MYCBP2: variants seen among roughly 807,000 people sequenced by gnomAD.
MYCBP2 encodes E3 ubiquitin-protein ligase MYCBP2.
In MYCBP2, 120 loss-of-function variants were observed where a neutral mutation model predicts 525.3. The ratio of observed to expected loss-of-function variants is 0.23; its 90% CI spans 0.20 to 0.27. The LOEUF (loss-of-function observed/expected upper bound fraction) is 0.27, where lower values mean the gene tolerates loss of function less well. Ranked by LOEUF, MYCBP2 falls within the 10% of genes least tolerant of loss-of-function variation. The pLI is 1.00. For missense variants in MYCBP2, 4,149 were observed against 5,657.1 expected (o/e 0.73, Z 8.55); for synonymous variants, 1,894 against 1,955.8 (o/e 0.97, Z 0.83).
At position 77,206,695 on chromosome 13, in the gene MYCBP2, T is replaced by A; in HGVS notation, c.3547A>T (p.Arg1183Trp). The change falls in exon 24 of 83, where the codon AGG becomes TGG. Residue 1183 changes from arginine (R) to tryptophan (W), a missense_variant. Transcript: ENST00000544440. ...GCATGAGATCGGGTAGTGAGGGCCC[T>A]TGATCCTGTTGGTAAGGCAAGTTCA... is the stretch of plus-strand genomic sequence containing the variant. ...SPELALPTGS[R>W]ALTTRSHAAL... The A allele has an allele frequency of 6.2e-7, 1 of 1,610,076 alleles. No individual in the cohort carries two copies. Among genetic ancestry groups the A allele is most frequent in the Non-Finnish European group, 8.5e-7 (1 of 1,177,928 alleles).
intron 15 of MYCBP2, among the ~76,000 whole-genome samples, chr13:77,250,138 G>A (rs2070918900): frequency 6.6e-6 from 1 of 151,342 alleles, no homozygotes; most frequent in African/African-American, 2.4e-5. Context: ...CAGGAGAATG[G>A]CGTGAACCCG....
At chr13:77,297,366 C>T (rs965831977) in intron 1 of MYCBP2, among the ~76,000 whole-genome samples, 4 of 152,164 alleles carry the variant, frequency 2.6e-5, no homozygotes, top group Non-Finnish European at 5.9e-5. Context: ...AAAGACAGTT[C>T]TTGTCCCCAA....
At chr13:77,079,979 A>C (rs769561830) in intron 65 of MYCBP2, among the ~76,000 whole-genome samples, 1 of 152,210 alleles carries the variant, frequency 6.6e-6, no homozygotes, top group Non-Finnish European at 1.5e-5. Flanking sequence ...GAAGTGTTAA[A>C]TTGATTGCAA....
intron 1 of MYCBP2, among the ~76,000 whole-genome samples, chr13:77,317,244 G>A (rs932329002): frequency 2.0e-5 from 3 of 152,184 alleles, no homozygotes; most frequent in Non-Finnish European, 4.4e-5. Flanking sequence ...GAGCCATCGT[G>A]CCCAGCCTGG....
chr13:77,219,850 A>G (rs749056066), intron 20 of MYCBP2, among the ~76,000 whole-genome samples: 16 of 152,170 alleles, frequency 1.1e-4, no homozygotes, highest in Non-Finnish European at 4.4e-5. Flanking sequence ...ACTTCTAGGA[A>G]GTCCATGAGT....
chr13:77,100,167 C>T (rs2046848439), intron 55 of MYCBP2: 1 of 152,032 alleles, frequency 6.6e-6, no homozygotes, highest in African/African-American at 2.4e-5. Context: ...TGTTAACTGG[C>T]TATAACTGCA....
intron 4 of MYCBP2, among the ~76,000 whole-genome samples, chr13:77,278,102 T>C (rs1473801928): frequency 1.3e-5 from 2 of 152,152 alleles, no homozygotes; most frequent in African/African-American, 2.4e-5. Context: ...ATAACACAAA[T>C]AGATTTTTAT....
chr13:77,256,039 C>G (rs969578440), intron 14 of MYCBP2, among the ~76,000 whole-genome samples: 1 of 152,140 alleles, frequency 6.6e-6, no homozygotes, highest in South Asian at 2.1e-4. Context: ...AACAAGACCA[C>G]AGCAAACAGG....
At chr13:77,211,383 C>T (rs1339176364) in intron 22 of MYCBP2, 63 bp from the exon 23 acceptor site, 2 of 865,576 alleles carry the variant, frequency 2.3e-6, no homozygotes, top group Non-Finnish European at 3.0e-6. Context: ...TCTCCAAAAC[C>T]CATAAAGTAG....
chr13:77,088,869 G>A lies in MYCBP2; in HGVS notation c.10688C>T (p.Ala3563Val), dbSNP rs770269496. 3.1e-6 allele frequency: 5 copies of A among 1,612,760 alleles called. No individual in the cohort carries two copies. The highest frequency in any genetic ancestry group is 3.3e-5 in the Admixed American group (2 of 59,914). ...LEGLEIAMKQ[A>V]LRKSACRVFA... ...AACTCGACAAGCAGATTTCCTTAGG[G>A]CCTGTTTCATTGCTATTTCAAGACC... is the stretch of plus-strand genomic sequence containing the variant. The change falls in exon 61 of 83, where the codon GCC becomes GTC. Residue 3563 changes from alanine to valine, a missense_variant. Coordinates refer to ENST00000544440, the MANE Select transcript of MYCBP2 (RefSeq NM_015057.5).
At chr13:77,080,532 A>C (rs1358940634) in intron 65 of MYCBP2, 1 of 152,216 alleles carries the variant, frequency 6.6e-6, no homozygotes, top group Admixed American at 6.5e-5. Flanking sequence ...TTTATAAAAG[A>C]ATATTTAATT....
At chr13:77,271,850 G>T (rs2074943787) in intron 5 of MYCBP2, among the ~76,000 whole-genome samples, 1 of 152,170 alleles carries the variant, frequency 6.6e-6, no homozygotes, top group East Asian at 1.9e-4. Context: ...CATTCTCAGG[G>T]AAAGCTTTTC....
intron 55 of MYCBP2, among the ~76,000 whole-genome samples, chr13:77,110,650 AGGACATCAC>A (rs1167536244): frequency 4.9e-4 from 75 of 152,304 alleles, no homozygotes; most frequent in African/African-American, 1.7e-3. Flanking sequence ...TGTGGCTCAG[AGGACATCAC>A]GGTCCTACCA....
rs17067287 is a variant in MYCBP2 at position 77,171,538 on chromosome 13, G to C, written c.5748C>G (p.Val1916=). ...GCAGGAGGTCCTTAGAGGCTCGAAC[G>C]ACAGTGCTTACAACAGACAATGCTC... is the stretch of plus-strand genomic sequence containing the variant. ...CSRALSVVST[V]VRASKDLLHR... The change falls in exon 38 of 83, where the codon GTC becomes GTG. Residue 1916 remains valine, a synonymous_variant. Transcript: ENST00000544440. The C allele has an allele frequency of 5.2e-3, 8,377 of 1,614,030 alleles. 362 individuals carry two copies. In the African/African-American group the frequency reaches 0.094, roughly 18 times the overall value.
At chr13:77,243,254 G>T in intron 16 of MYCBP2, 94 bp from the exon 17 acceptor site, 1 of 944,902 alleles carries the variant, frequency 1.1e-6, no homozygotes, top group Non-Finnish European at 1.7e-6. Flanking sequence ...GTAAAAGCTA[G>T]CAAAAACATT....
intron 36 of MYCBP2, among the ~76,000 whole-genome samples, chr13:77,174,759 T>C (rs1304541907): frequency 6.7e-6 from 1 of 149,160 alleles, no homozygotes; most frequent in Non-Finnish European, 1.5e-5. Context: ...ATCCCTATTT[T>C]ACAGATGAGG....
At chr13:77,179,589 T>C (rs770061337) in intron 34 of MYCBP2, among the ~76,000 whole-genome samples, 4 of 152,244 alleles carry the variant, frequency 2.6e-5, no homozygotes, top group Non-Finnish European at 5.9e-5. Flanking sequence ...GCCACTGAAC[T>C]GTACACGTAA....
intron 59 of MYCBP2, among the ~76,000 whole-genome samples, chr13:77,091,429 C>CAAA (rs770244232): frequency 1.3e-4 from 17 of 129,126 alleles, no homozygotes; most frequent in African/African-American, 4.5e-4. Context: ...GACTTTTTAC[C>CAAA]AAAAAAAAAA....
intron 41 of MYCBP2, 140 bp downstream of exon 41, chr13:77,166,188 CT>C (rs2058499065): frequency 1.6e-6 from 1 of 638,348 alleles, no homozygotes; most frequent in African/African-American, 1.8e-5. Flanking sequence ...TTATTTATTC[CT>C]CGAATGCAAT....
Sources: allele counts gnomAD v4.1 joint callset (sites outside exome capture counted in the v4.1 genomes callset), GRCh38; gene constraint gnomAD v4.1.1; transcripts MANE v1.5; gene names NCBI Gene and HGNC (gene_info 2026-07-23, HGNC 2026-07-21).